MSRA: variants seen among roughly 807,000 people sequenced by gnomAD.
The protein encoded by MSRA is mitochondrial peptide methionine sulfoxide reductase.
Under a neutral mutation model 31.3 loss-of-function variants are expected in MSRA, and 54 were observed. The ratio of observed to expected loss-of-function variants is 1.73; its 90% confidence interval spans 1.39 to 2.17. The LOEUF (loss-of-function observed/expected upper bound fraction) is 2.17. MSRA is among the 30% of genes most tolerant of loss of function. MSRA has a pLI of 0.00. For missense variants in MSRA, 507 were observed against 300.9 expected, an observed-to-expected ratio of 1.69 and a Z score of -5.07; for synonymous variants, 169 against 116.5, an observed-to-expected ratio of 1.45 and a Z score of -2.90.
intron 1 of MSRA, among the ~76,000 whole-genome samples, chr8:10,081,189 A>G (rs1321766809): frequency 6.6e-6 from 1 of 152,126 alleles, no homozygotes; most frequent in Non-Finnish European, 1.5e-5. Context: ...TCATATAAGA[A>G]CTAGGCGGAT....
At chr8:10,113,126 G>C (rs1206023915) in intron 1 of MSRA, among the ~76,000 whole-genome samples, 1 of 151,884 alleles carries the variant, frequency 6.6e-6, no homozygotes, top group Non-Finnish European at 1.5e-5. Flanking sequence ...GTAGAGAACT[G>C]TGTCTTCCCC....
chr8:10,324,102 C>T (rs537861203), intron 5 of MSRA, among the ~76,000 whole-genome samples: 26 of 152,322 alleles, frequency 1.7e-4, no homozygotes, highest in East Asian at 3.9e-4. Context: ...CTCGCCTTTC[C>T]GCCATGATGC....
intron 2 of MSRA, among the ~76,000 whole-genome samples, chr8:10,242,368 A>G (rs536333849): frequency 6.6e-6 from 1 of 152,178 alleles, no homozygotes; most frequent in Non-Finnish European, 1.5e-5. Context: ...TGTAAGAAAC[A>G]TAGGAAGTGA....
At chr8:10,082,358 AC>A in intron 1 of MSRA, among the ~76,000 whole-genome samples, 1 of 152,002 alleles carries the variant, frequency 6.6e-6, no homozygotes, top group East Asian at 1.9e-4. Context: ...GGGACCTCTA[AC>A]CCTGGTTATT....
intron 5 of MSRA, among the ~76,000 whole-genome samples, chr8:10,359,243 C>G (rs1352936275): frequency 6.6e-6 from 1 of 152,122 alleles, no homozygotes; most frequent in Non-Finnish European, 1.5e-5. Flanking sequence ...TTTGCCCATC[C>G]TCAGTATTTG....
chr8:10,400,154 A>C (rs1807361202), intron 5 of MSRA, among the ~76,000 whole-genome samples: 1 of 152,008 alleles, frequency 6.6e-6, no homozygotes, highest in Non-Finnish European at 1.5e-5. Flanking sequence ...TGCAGAGACA[A>C]AGTCAGACTT....
At chr8:10,402,668 C>G (rs1177927286) in intron 5 of MSRA, among the ~76,000 whole-genome samples, 1 of 152,150 alleles carries the variant, frequency 6.6e-6, no homozygotes, top group Non-Finnish European at 1.5e-5. Context: ...TGTCCCGACA[C>G]AGAGACAGTC....
At chr8:10,239,136 C>G (rs1212731055) in intron 2 of MSRA, among the ~76,000 whole-genome samples, 1 of 152,046 alleles carries the variant, frequency 6.6e-6, no homozygotes, top group African/African-American at 2.4e-5. Context: ...GATGCTCAAC[C>G]TCAGTGGTGA....
intron 1 of MSRA, among the ~76,000 whole-genome samples, chr8:10,115,402 A>T (rs1350354025): frequency 1.3e-5 from 2 of 152,200 alleles, no homozygotes; most frequent in Non-Finnish European, 2.9e-5. Context: ...GGCAGGGGCC[A>T]CTAGAAGCTG....
At chr8:10,109,924 C>T (rs1035526150) in intron 1 of MSRA, among the ~76,000 whole-genome samples, 5 of 152,176 alleles carry the variant, frequency 3.3e-5, no homozygotes, top group South Asian at 4.1e-4. Context: ...TGTGAAAGAT[C>T]AGTTGCCACA....
At chr8:10,096,829 A>C (rs1799185452) in intron 1 of MSRA, among the ~76,000 whole-genome samples, 1 of 152,202 alleles carries the variant, frequency 6.6e-6, no homozygotes, top group South Asian at 2.1e-4. Flanking sequence ...ACTGTGGATC[A>C]CCCTGATTGT....
chr8:10,325,175 G>C (rs1427831429), intron 5 of MSRA, among the ~76,000 whole-genome samples: 10 of 152,160 alleles, frequency 6.6e-5, no homozygotes, highest in Admixed American at 6.5e-4. Context: ...GACTGCAATG[G>C]CTCAGGAATG....
chr8:10,073,897 C>A (rs1395184083), intron 1 of MSRA, among the ~76,000 whole-genome samples: 6 of 151,780 alleles, frequency 4.0e-5, no homozygotes, highest in African/African-American at 1.5e-4. Flanking sequence ...TGCCTTGATT[C>A]TCTGACTGTT....
intron 1 of MSRA, among the ~76,000 whole-genome samples, chr8:10,168,858 T>A (rs1443955634): frequency 1.3e-5 from 2 of 152,230 alleles, no homozygotes; most frequent in African/African-American, 2.4e-5. Flanking sequence ...TTGAACATGC[T>A]AAATATGTAT....
At chr8:10,064,655 G>T (rs1797368908) in intron 1 of MSRA, among the ~76,000 whole-genome samples, 2 of 152,132 alleles carry the variant, frequency 1.3e-5, no homozygotes, top group African/African-American at 4.8e-5. Flanking sequence ...GTTACCATAG[G>T]AAAGTAATAC....
chr8:10,108,512 T>C (rs1321284944), intron 1 of MSRA, among the ~76,000 whole-genome samples: 4 of 152,154 alleles, frequency 2.6e-5, no homozygotes, highest in Non-Finnish European at 5.9e-5. Context: ...TTTTTCCTGA[T>C]TTATATTTTG....
At chr8:10,365,798 C>T (rs1393519749) in intron 5 of MSRA, among the ~76,000 whole-genome samples, 1 of 152,202 alleles carries the variant, frequency 6.6e-6, no homozygotes, top group East Asian at 1.9e-4. Flanking sequence ...AAAGTGAAGG[C>T]ACTCGGAGGT....
chr8:10,082,168 A>C (rs1301978996), intron 1 of MSRA, among the ~76,000 whole-genome samples: 2 of 152,148 alleles, frequency 1.3e-5, no homozygotes, highest in East Asian at 3.9e-4. Flanking sequence ...TGGTGCCACT[A>C]TACTCCAGTC....
intron 5 of MSRA, among the ~76,000 whole-genome samples, chr8:10,375,005 T>C (rs1195215524): frequency 6.6e-6 from 1 of 152,206 alleles, no homozygotes; most frequent in Non-Finnish European, 1.5e-5. Context: ...CCTTCTGCCA[T>C]GATTGTAAGC....
Sources: gnomAD v4.1 joint callset for allele counts (sites outside exome capture counted in the v4.1 genomes callset) on GRCh38, gnomAD v4.1.1 for gene constraint, MANE v1.5 for transcripts, NCBI Gene and HGNC (gene_info 2026-07-23, HGNC 2026-07-21) for gene names.